The following PKD1L3 variants were observed in gnomAD, a reference collection of about 807,000 sequenced individuals.
PKD1L3 encodes the protein polycystin 1 like 3, transient receptor potential channel interacting, also known as polycystin-1-like protein 3.
A neutral mutation model predicts 184.1 loss-of-function variants in PKD1L3; 239 were observed. The observed-to-expected ratio is 1.30, with a 90% CI of 1.17 to 1.45. The LOEUF (loss-of-function observed/expected upper bound fraction) is 1.45. PKD1L3 is among the 40% of genes most tolerant of loss of function. PKD1L3 has a pLI of 0.00. For synonymous variants in PKD1L3, 996 were observed against 778.8 expected (o/e 1.28, Z -4.64); for missense variants, 2,660 against 2,067.2 (o/e 1.29, Z -5.56).
At position 71,986,293 on chromosome 16, in the gene PKD1L3, G is replaced by T. The variant is rs774556352; in HGVS notation, c.762C>A (p.Ser254Arg). The T allele has an allele frequency of 6.4e-7, 1 of 1,552,158 alleles. No individual in the cohort carries two copies. Among genetic ancestry groups the T allele is most frequent in the African/African-American group, 1.4e-5 (1 of 73,150 alleles). ...TATTCGGATGACCTTCTTCCTTTGG[G>T]CTTGAAGTTGTTTCTGCCAGAGATT... Reference protein sequence around the residue: ...AGQSLAETTSSPKEEGHPNTF... With the variant: ...AGQSLAETTSRPKEEGHPNTF... The change falls in exon 5 of 30, where the codon AGC becomes AGA. Residue 254 changes from serine (S) to arginine (R), a missense_variant. Physicochemically the swap from Ser to Arg is moderately radical, Grantham distance 110. Transcript: ENST00000620267.
intron 10 of PKD1L3, 139 bp downstream of exon 10, chr16:71,978,116 A>G: frequency 9.4e-7 from 1 of 1,066,158 alleles, no homozygotes; most frequent in Non-Finnish European, 1.3e-6. Flanking sequence ...TCTCTTTGTA[A>G]AAGTTCCTAA....
At chr16:71,954,018 C>A (rs750738352) in intron 17 of PKD1L3, 87 bp downstream of exon 17, 5 of 1,182,988 alleles carry the variant, frequency 4.2e-6, no homozygotes, top group Non-Finnish European at 4.5e-6. Context: ...GAGTTCTAGA[C>A]CAGCCTGGGT....
Position 71,952,981 on chromosome 16 carries a change from C to T in PKD1L3, c.2922G>A (p.Gln974=), listed in dbSNP as rs1293779927. The change falls in exon 18 of 30, where the codon CAG becomes CAA. Residue 974 remains glutamine (Q), a synonymous_variant. Coordinates refer to ENST00000620267, the MANE Select transcript of PKD1L3 (RefSeq NM_181536.2). ...TGGGAGGAAAGAGGGGCAGAGTCTCCTGTGGCTCAATCAACGGGAAGAGCC... is the reference window on the plus strand; with the variant it reads ...TGGGAGGAAAGAGGGGCAGAGTCTCTTGTGGCTCAATCAACGGGAAGAGCC... ...IGRLFPLIEP[Q]ETLPLFPPIQ... The T allele has an allele frequency of 6.5e-7, 1 of 1,549,786 alleles. No homozygotes were observed.
intron 2 of PKD1L3, among the ~76,000 whole-genome samples, chr16:71,997,209 A>G (rs958506759): frequency 2.6e-5 from 4 of 152,054 alleles, no homozygotes; most frequent in Admixed American, 6.5e-5. Flanking sequence ...ATCCATATAC[A>G]TAGTTTTACG....
At chr16:71,978,431 A>G (rs2040011635) in intron 9 of PKD1L3, 48 bp from the exon 10 acceptor site, 2 of 1,495,280 alleles carry the variant, frequency 1.3e-6, no homozygotes, top group African/African-American at 1.4e-5. Context: ...AAATATTTTT[A>G]AGTGACCCCA....
chr16:71,949,980 C>T lies in PKD1L3; in HGVS notation c.3421G>A (p.Gly1141Arg). The part of the protein sequence containing the change: ...TSFAILSSEE[G>R]KKPISNGLSK... ...AGGCCATTTGAGATGGGCTTTTTTC[C>T]TTCTTCTGAGCTCAGGATGGCAAAA... The change falls in exon 21 of 30, where the codon GGA (glycine) becomes AGA (arginine). Residue 1141 changes from glycine (G) to arginine (R), a missense_variant. By Grantham distance (125) the Gly-to-Arg change is moderately radical. Transcript: ENST00000620267. The T allele has an allele frequency of 6.4e-7, 1 of 1,551,570 alleles. No homozygotes were observed. Among genetic ancestry groups the T allele is most frequent in the Non-Finnish European group, 8.7e-7 (1 of 1,146,990 alleles).
At chr16:71,993,397 C>T in intron 2 of PKD1L3, 65 bp from the exon 3 acceptor site, 5 of 991,512 alleles carry the variant, frequency 5.0e-6, no homozygotes, top group Non-Finnish European at 7.3e-6. Context: ...TCTATAAAAC[C>T]ATCATTACAT....
intron 5 of PKD1L3, among the ~76,000 whole-genome samples, chr16:71,984,807 C>T (rs1025889843): frequency 1.3e-5 from 2 of 152,070 alleles, no homozygotes; most frequent in East Asian, 3.9e-4. Context: ...TGCAGTGAGC[C>T]GAGATTGCGC....
intron 27 of PKD1L3, 100 bp downstream of exon 27, chr16:71,933,815 A>G: frequency 1.5e-6 from 2 of 1,308,012 alleles, no homozygotes; most frequent in East Asian, 5.1e-5. Flanking sequence ...TTCCTACTGT[A>G]CCACCTCGGG....
chr16:71,982,152 T>C lies in PKD1L3; in HGVS notation c.1050A>G (p.Lys350=). ...PFQNNNSLGF[K]VPPTVCPFHS... ...GAAAGGGGCAGACAGTTGGAGGAAC[T>C]TTGAAGCCCAGACTGTTGTTGTTCT... is the stretch of plus-strand genomic sequence containing the variant. The change falls in exon 7 of 30, where the codon AAA becomes AAG. Residue 350 remains lysine (K), a synonymous_variant. Coordinates refer to ENST00000620267, the MANE Select transcript of PKD1L3 (RefSeq NM_181536.2). 1.3e-6 allele frequency: 2 copies of C among 1,551,876 alleles called. No homozygotes were observed. Among genetic ancestry groups the C allele is most frequent in the Non-Finnish European group, 1.7e-6 (2 of 1,146,926 alleles).
rs368131958 is a variant in PKD1L3 at position 71,937,064 on chromosome 16, CATT to C, written c.4452+225_4452+227del. Among the ~76,000 whole-genome samples, 88 of 152,106 alleles carry C rather than the reference CATT, an allele frequency of 5.8e-4. No individual in the cohort carries two copies. In the Middle Eastern group the frequency reaches 0.017, roughly 29 times the overall value. Reference sequence around the variant, plus strand: ...CATCTAACACCATCATCATCATCATCATTATTTTTGAGACAGGGTCTTGCTCTG... The same window carrying C: ...CATCTAACACCATCATCATCATCATCATTTTTGAGACAGGGTCTTGCTCTG... On this transcript the variant is annotated intron_variant, in intron 25 of 29. Coordinates refer to ENST00000620267, the MANE Select transcript of PKD1L3 (RefSeq NM_181536.2).
chr16:71,958,828 T>A (rs1267804234), intron 16 of PKD1L3, among the ~76,000 whole-genome samples: 5 of 137,898 alleles, frequency 3.6e-5, no homozygotes, highest in Non-Finnish European at 7.6e-5. Flanking sequence ...GGCTCACACC[T>A]GTAATCTTAG....
chr16:71,955,658 C>A (rs1006110579), intron 16 of PKD1L3, among the ~76,000 whole-genome samples: 3 of 151,916 alleles, frequency 2.0e-5, no homozygotes, highest in Non-Finnish European at 4.4e-5. Context: ...TTAGCTGTAT[C>A]CCCACCCAAA....
At position 71,967,359 on chromosome 16, in the gene PKD1L3, C is replaced by G. The variant is rs9928364; in HGVS notation, c.2287-44G>C. ...AGATAAAATATAAGGAATTTTAACACAATTCTTTGGGTTTATCCCTAAGGA... is the reference window on the plus strand; with the variant it reads ...AGATAAAATATAAGGAATTTTAACAGAATTCTTTGGGTTTATCCCTAAGGA... On this transcript the variant is annotated intron_variant, in intron 14 of 29. Coordinates refer to ENST00000620267, the MANE Select transcript of PKD1L3 (RefSeq NM_181536.2). 16,209 of 1,506,516 alleles carry G rather than the reference C, an allele frequency of 0.011. 1,479 individuals carry two copies. The African/African-American group carries it at 0.2, about 18-fold the overall frequency. 93.3% of individuals were successfully genotyped at this position (1,506,516 alleles called of 1,614,324 possible).
chr16:71,993,680 C>A (rs7195072), intron 2 of PKD1L3, among the ~76,000 whole-genome samples: 1 of 152,082 alleles, frequency 6.6e-6, no homozygotes, highest in African/African-American at 2.4e-5. Context: ...AGTTTGCAAC[C>A]TCCAGCATAA....
intron 5 of PKD1L3, among the ~76,000 whole-genome samples, chr16:71,984,757 G>T (rs1157832344): frequency 6.6e-6 from 1 of 152,172 alleles, no homozygotes; most frequent in African/African-American, 2.4e-5. Context: ...TACTCGGGAG[G>T]CTGAGGCAGG....
At chr16:71,973,281 G>C in intron 12 of PKD1L3, 43 bp downstream of exon 12, 1 of 1,534,386 alleles carries the variant, frequency 6.5e-7, no homozygotes, top group Non-Finnish European at 8.8e-7. Flanking sequence ...CTTAACAGTA[G>C]CTATGGCAGA....
At chr16:71,993,510 G>C (rs2040671951) in intron 2 of PKD1L3, among the ~76,000 whole-genome samples, 178 bp from the exon 3 acceptor site, 1 of 152,062 alleles carries the variant, frequency 6.6e-6, no homozygotes, top group Admixed American at 6.5e-5. Flanking sequence ...CTCACATTAT[G>C]GTGTCCCACA....
At chr16:71,987,635 A>G (rs2040425396) in intron 4 of PKD1L3, among the ~76,000 whole-genome samples, 1 of 151,862 alleles carries the variant, frequency 6.6e-6, no homozygotes, top group Non-Finnish European at 1.5e-5. Flanking sequence ...TCGGCCTCCC[A>G]AAGTGCTGGG....
Sources: allele counts gnomAD v4.1 joint callset (sites outside exome capture counted in the v4.1 genomes callset), GRCh38; gene constraint gnomAD v4.1.1; transcripts MANE v1.5; gene names NCBI Gene and HGNC (gene_info 2026-07-23, HGNC 2026-07-21).